KDM4C: variants seen among roughly 807,000 people sequenced by gnomAD.
KDM4C encodes the protein lysine-specific demethylase 4C.
A neutral mutation model predicts 129.3 loss-of-function variants in KDM4C; 81 were observed. The ratio of observed to expected loss-of-function variants is 0.63; its 90% CI spans 0.52 to 0.75. The LOEUF (loss-of-function observed/expected upper bound fraction) is 0.75. Among genes scored for constraint, KDM4C ranks in the 30% least tolerant of loss-of-function variants. The pLI, the probability that KDM4C is intolerant of heterozygous loss-of-function variation, is 0.00. For missense variants in KDM4C, 1,457 were observed against 1,304.0 expected (o/e 1.12, Z -1.81); for synonymous variants, 573 against 456.1 (o/e 1.26, Z -3.26).
intron 12 of KDM4C, among the ~76,000 whole-genome samples, chr9:7,000,563 G>A (rs1357497163): frequency 2.0e-5 from 3 of 152,038 alleles, no homozygotes; most frequent in Non-Finnish European, 2.9e-5. Context: ...AAACTACCCA[G>A]GAACAGATTT....
At chr9:7,016,869 T>C (rs1358752812) in intron 15 of KDM4C, among the ~76,000 whole-genome samples, 1 of 152,146 alleles carries the variant, frequency 6.6e-6, no homozygotes, top group Non-Finnish European at 1.5e-5. Flanking sequence ...TGAAAATAAG[T>C]ATTTCAAGTA....
chr9:7,117,884 TA>T (rs1185211077), intron 18 of KDM4C, among the ~76,000 whole-genome samples: 2 of 152,190 alleles, frequency 1.3e-5, no homozygotes, highest in Non-Finnish European at 2.9e-5. Context: ...AGTGGCCCAC[TA>T]CCAGCTCCAC....
intron 1 of KDM4C, among the ~76,000 whole-genome samples, chr9:6,774,573 G>A (rs1441471658): frequency 6.6e-6 from 1 of 152,166 alleles, no homozygotes; most frequent in East Asian, 1.9e-4. Context: ...GCTGAAGCAG[G>A]AGAATCACTT....
At chr9:7,149,259 G>T (rs1004369982) in intron 19 of KDM4C, among the ~76,000 whole-genome samples, 2 of 152,224 alleles carry the variant, frequency 1.3e-5, no homozygotes, top group African/African-American at 4.8e-5. Context: ...CGGCTGGGTC[G>T]CTACAGTGCC....
At chr9:6,940,186 G>T (rs535009665) in intron 8 of KDM4C, among the ~76,000 whole-genome samples, 2 of 152,002 alleles carry the variant, frequency 1.3e-5, no homozygotes, top group Non-Finnish European at 2.9e-5. Context: ...TACTTCCCAG[G>T]CTCAAGTGAT....
chr9:6,885,970 A>T (rs1351076416), intron 6 of KDM4C, among the ~76,000 whole-genome samples: 1 of 152,252 alleles, frequency 6.6e-6, no homozygotes, highest in Non-Finnish European at 1.5e-5. Flanking sequence ...AGAAAATGGA[A>T]TAGACTCTTC....
chr9:7,060,607 G>C (rs1002459596), intron 17 of KDM4C, among the ~76,000 whole-genome samples: 1 of 151,814 alleles, frequency 6.6e-6, no homozygotes, highest in African/African-American at 2.4e-5. Flanking sequence ...TCAGCCTCCT[G>C]AGTAGCTGGG....
At chr9:6,773,548 G>A (rs1314214414) in intron 1 of KDM4C, among the ~76,000 whole-genome samples, 1 of 152,118 alleles carries the variant, frequency 6.6e-6, no homozygotes, top group Non-Finnish European at 1.5e-5. Context: ...GAGACGGGCA[G>A]ATCACTTAGG....
At chr9:7,127,270 C>T (rs1447253523) in intron 18 of KDM4C, among the ~76,000 whole-genome samples, 1 of 152,134 alleles carries the variant, frequency 6.6e-6, no homozygotes, top group Non-Finnish European at 1.5e-5. Context: ...TTGTCTTTCA[C>T]AGATTGCTTT....
intron 6 of KDM4C, 106 bp downstream of exon 6, chr9:6,880,167 G>A (rs1164062575): frequency 1.8e-6 from 1 of 540,886 alleles, no homozygotes; most frequent in East Asian, 3.3e-5. Context: ...TTACTCTGTT[G>A]GTTTTATTCT....
At chr9:6,759,094 G>C (rs1453537189) in intron 1 of KDM4C, among the ~76,000 whole-genome samples, 1 of 152,030 alleles carries the variant, frequency 6.6e-6, no homozygotes, top group East Asian at 1.9e-4. Context: ...GAAGAGACAA[G>C]GTAAACTTTT....
intron 1 of KDM4C, among the ~76,000 whole-genome samples, chr9:6,783,323 A>C (rs1338467520): frequency 2.0e-5 from 3 of 152,242 alleles, no homozygotes; most frequent in Non-Finnish European, 4.4e-5. Flanking sequence ...ATAAGGACCA[A>C]GACTGGGATA....
intron 1 of KDM4C, among the ~76,000 whole-genome samples, chr9:6,734,056 C>A (rs937348613): frequency 6.6e-6 from 1 of 152,112 alleles, no homozygotes; most frequent in African/African-American, 2.4e-5. Context: ...ACTTAGAATG[C>A]GTTAACCGTC....
intron 12 of KDM4C, among the ~76,000 whole-genome samples, chr9:6,995,396 T>A (rs1406932247): frequency 6.6e-6 from 1 of 152,112 alleles, no homozygotes; most frequent in East Asian, 1.9e-4. Context: ...CAGAGAATAG[T>A]TGCCATGGAG....
intron 1 of KDM4C, chr9:6,726,561 C>T (rs1213160897): frequency 6.6e-6 from 1 of 152,384 alleles, no homozygotes; most frequent in East Asian, 1.9e-4. Context: ...TCGCCTTCCT[C>T]CGCTTCTCTT....
At chr9:6,854,306 A>C (rs544993248) in intron 5 of KDM4C, among the ~76,000 whole-genome samples, 2 of 152,084 alleles carry the variant, frequency 1.3e-5, no homozygotes, top group Admixed American at 1.3e-4. Context: ...AGGCGGGCGG[A>C]TCACCTGAGG....
chr9:6,988,945 G>C (rs1814048), intron 11 of KDM4C, among the ~76,000 whole-genome samples: 1 of 152,064 alleles, frequency 6.6e-6, no homozygotes, highest in Non-Finnish European at 1.5e-5. Context: ...TTACCGAGTA[G>C]TATTTGATAA....
At chr9:6,984,132 A>G (rs375148358) in intron 9 of KDM4C, 34 bp from the exon 10 acceptor site, 21 of 1,417,120 alleles carry the variant, frequency 1.5e-5, no homozygotes, top group Non-Finnish European at 2.1e-5. Context: ...CATTGCAGAC[A>G]TCCCGCTCTG....
intron 9 of KDM4C, chr9:6,982,355 C>T (rs1816916369): frequency 1.3e-5 from 2 of 152,040 alleles, no homozygotes; most frequent in Non-Finnish European, 2.9e-5. Context: ...GTTGATATTT[C>T]CCCCTGTAGT....
Sources: allele counts gnomAD v4.1 joint callset (sites outside exome capture counted in the v4.1 genomes callset), GRCh38; gene constraint gnomAD v4.1.1; transcripts MANE v1.5; gene names NCBI Gene and HGNC (gene_info 2026-07-23, HGNC 2026-07-21).